The following NRG3 variants were observed in gnomAD, a reference collection of about 807,000 sequenced individuals.
The protein encoded by NRG3 is pro-neuregulin-3, membrane-bound isoform.
A neutral mutation model predicts 66.9 loss-of-function variants in NRG3; 31 were observed. The ratio of observed to expected loss-of-function variants is 0.46; its 90% CI spans 0.35 to 0.63. The LOEUF is 0.63. Among genes scored for constraint, NRG3 ranks in the 20% least tolerant of loss-of-function variants. The pLI is 0.00. For synonymous variants in NRG3, 393 were observed against 359.4 expected (o/e 1.09, Z -1.06); for missense variants, 910 against 878.9 (o/e 1.04, Z -0.45).
In NRG3 at chr10:82,566,338, A is replaced by G. The variant is rs147723421; in HGVS notation, c.954-172239A>G. ...GGTGGATGTATGCAATGTATTAAAT[A>G]TGGTAAATTTTCAGAATCGAAGAAA... On this transcript the variant is annotated intron_variant, in intron 2 of 8. Coordinates refer to ENST00000372141, the MANE Select transcript of NRG3 (RefSeq NM_001010848.4). 4.6e-3 allele frequency among the ~76,000 whole-genome samples: 702 copies of G among 152,116 alleles called. 6 individuals carry two copies. The highest frequency in any genetic ancestry group is 0.016 in the African/African-American group (666 of 41,534).
intron 2 of NRG3, among the ~76,000 whole-genome samples, chr10:82,535,955 TA>T (rs1847775869): frequency 1.3e-5 from 2 of 151,760 alleles, no homozygotes; most frequent in African/African-American, 4.8e-5. Flanking sequence ...ACTCTTGTAT[TA>T]GCAGGTAAAA....
chr10:81,957,620 A>G (rs1202170698), intron 1 of NRG3, among the ~76,000 whole-genome samples: 2 of 152,130 alleles, frequency 1.3e-5, no homozygotes, highest in African/African-American at 4.8e-5. Context: ...TATTCCCAGC[A>G]CCTAGGTGGT....
intron 2 of NRG3, among the ~76,000 whole-genome samples, chr10:82,520,682 A>G (rs1239082546): frequency 6.6e-6 from 1 of 152,168 alleles, no homozygotes; most frequent in Non-Finnish European, 1.5e-5. Flanking sequence ...GCAGGAAGAG[A>G]ACAACTGACT....
At chr10:82,886,061 T>C (rs1197635525) in intron 4 of NRG3, among the ~76,000 whole-genome samples, 1 of 152,054 alleles carries the variant, frequency 6.6e-6, no homozygotes, top group African/African-American at 2.4e-5. Context: ...AGACAGAGTT[T>C]TGCCACGTTG....
chr10:81,894,622 C>G (rs369273438), intron 1 of NRG3, among the ~76,000 whole-genome samples: 2 of 152,274 alleles, frequency 1.3e-5, no homozygotes, highest in East Asian at 1.9e-4. Context: ...AACACACGCA[C>G]TAATCAAACA....
intron 1 of NRG3, among the ~76,000 whole-genome samples, chr10:82,334,162 A>G (rs1029295661): frequency 2.0e-5 from 3 of 151,674 alleles, no homozygotes; most frequent in Non-Finnish European, 4.4e-5. Context: ...AAAAGAAAAG[A>G]AAAAGGGATG....
intron 1 of NRG3, among the ~76,000 whole-genome samples, chr10:81,986,855 T>C (rs1393571500): frequency 6.6e-6 from 1 of 152,104 alleles, no homozygotes; most frequent in Non-Finnish European, 1.5e-5. Context: ...TATTTTATTT[T>C]ATAATTTGTA....
intron 3 of NRG3, among the ~76,000 whole-genome samples, chr10:82,850,235 G>A (rs74847946): frequency 6.6e-6 from 1 of 152,296 alleles, no homozygotes; most frequent in Non-Finnish European, 1.5e-5. Flanking sequence ...AAGGAAGTTG[G>A]TGCAGAAGAG....
At chr10:82,097,383 C>A (rs930556403) in intron 1 of NRG3, among the ~76,000 whole-genome samples, 1 of 146,832 alleles carries the variant, frequency 6.8e-6, no homozygotes, top group Non-Finnish European at 1.5e-5. Flanking sequence ...CACACACACA[C>A]ACACACACAC....
chr10:81,963,785 G>A (rs1214834808), intron 1 of NRG3, among the ~76,000 whole-genome samples: 1 of 152,172 alleles, frequency 6.6e-6, no homozygotes, highest in Non-Finnish European at 1.5e-5. Context: ...CCGTGGTGGA[G>A]TTACATGCTT....
At chr10:82,096,199 G>A (rs2066329337) in intron 1 of NRG3, among the ~76,000 whole-genome samples, 1 of 152,040 alleles carries the variant, frequency 6.6e-6, no homozygotes, top group African/African-American at 2.4e-5. Context: ...GAACATGGCT[G>A]GGCACAGTGG....
chr10:81,924,370 T>G (rs1846559687), intron 1 of NRG3, among the ~76,000 whole-genome samples: 1 of 152,226 alleles, frequency 6.6e-6, no homozygotes. Flanking sequence ...AATAAAAGCA[T>G]TTAGAAAGAC....
rs112296734 is a variant in NRG3 at position 82,904,815 on chromosome 10, G to A, written c.1054+39378G>A. On this transcript the variant is annotated intron_variant, in intron 4 of 8. Transcript: ENST00000372141. The stretch of plus-strand genomic sequence containing the variant: ...TAATGATGTCAACAAAAATAGCATC[G>A]ACTATTTTTCCCTGAGGAGCCCAAA... 6.6e-5 allele frequency among the ~76,000 whole-genome samples: 10 copies of A among 152,044 alleles called. No individual in the cohort carries two copies. In the East Asian group the frequency reaches 1.2e-3, roughly 18 times the overall value.
At chr10:82,047,849 A>T (rs1158058973) in intron 1 of NRG3, among the ~76,000 whole-genome samples, 1 of 152,144 alleles carries the variant, frequency 6.6e-6, no homozygotes, top group East Asian at 1.9e-4. Context: ...ATATTCAGGA[A>T]ACCCATCTCA....
chr10:82,784,360 G>A (rs1290016150), intron 3 of NRG3, among the ~76,000 whole-genome samples: 3 of 150,458 alleles, frequency 2.0e-5, no homozygotes, highest in African/African-American at 2.4e-5. Context: ...TGACAAATGG[G>A]ATCTAATTAA....
intron 1 of NRG3, among the ~76,000 whole-genome samples, chr10:82,221,139 C>A (rs2075921181): frequency 6.6e-6 from 1 of 151,836 alleles, no homozygotes; most frequent in Non-Finnish European, 1.5e-5. Flanking sequence ...CCTTTAATAT[C>A]TATAAAATAA....
chr10:82,648,893 A>C (rs1187528653), intron 2 of NRG3, among the ~76,000 whole-genome samples: 1 of 152,204 alleles, frequency 6.6e-6, no homozygotes, highest in African/African-American at 2.4e-5. Flanking sequence ...TGATCAGCTT[A>C]AGGAGATTTT....
At chr10:82,865,482 G>C in intron 4 of NRG3, 45 bp downstream of exon 4, 2 of 1,579,262 alleles carry the variant, frequency 1.3e-6, no homozygotes, top group South Asian at 1.1e-5. Context: ...GAAATGCTAA[G>C]CTTTATGATG....
rs1396444175 is a variant in NRG3 at position 82,404,029 on chromosome 10, T to G, written c.953+45161T>G. Among the ~76,000 whole-genome samples, 3 of 151,962 alleles carry G rather than the reference T, an allele frequency of 2.0e-5. No homozygotes were observed. The East Asian group carries it at 5.8e-4, about 29-fold the overall frequency. On this transcript the variant is annotated intron_variant, in intron 2 of 8. Transcript: ENST00000372141. ...AGTTGTGAGGTTAAAGGTTTAGATA[T>G]TGGAATTATACTAACTTCTAGGCTG...
Sources: gnomAD v4.1 joint callset for allele counts (sites outside exome capture counted in the v4.1 genomes callset) on GRCh38, gnomAD v4.1.1 for gene constraint, MANE v1.5 for transcripts, NCBI Gene and HGNC (gene_info 2026-07-23, HGNC 2026-07-21) for gene names.